Variants in SLC9A6 observed in about 807,000 individuals in gnomAD.
SLC9A6 encodes solute carrier family 9 member A6, also known as sodium/hydrogen exchanger 6.
Under a neutral mutation model 45.3 loss-of-function variants are expected in SLC9A6, and 6 were observed. The observed-to-expected ratio is 0.13, with a 90% CI of 0.07 to 0.26. The LOEUF (loss-of-function observed/expected upper bound fraction) is 0.26, where lower values mean the gene tolerates loss of function less well. Ranked by LOEUF, SLC9A6 falls within the 10% of genes least tolerant of loss-of-function variation. The pLI, the probability that SLC9A6 is intolerant of heterozygous loss-of-function variation, is 1.00. For synonymous variants in SLC9A6, 191 were observed against 187.7 expected (o/e 1.02, Z -0.14); for missense variants, 278 against 503.7 (o/e 0.55, Z 4.29).
chrX:136,044,752 T>A lies in SLC9A6; in HGVS notation c.*28T>A, dbSNP rs2071571581. On this transcript the variant is annotated 3_prime_UTR_variant, in exon 18 of 18. Coordinates refer to ENST00000630721, the MANE Select transcript of SLC9A6 (RefSeq NM_001379110.1). Reference sequence around the variant, plus strand: ...TTACTAATACTCACTTAGTGATTTGTAAAATTTGCACATGTGATTGTGAAG... The same window carrying A: ...TTACTAATACTCACTTAGTGATTTGAAAAATTTGCACATGTGATTGTGAAG... The A allele has an allele frequency of 1.7e-6, 2 of 1,195,636 alleles. No individual in the cohort carries two copies. The highest frequency in any genetic ancestry group is 3.5e-5 in the African/African-American group (2 of 56,980).
intron 15 of SLC9A6, among the ~76,000 whole-genome samples, chrX:136,032,052 C>CTTATTTATTTATTTATTTAT (rs782510667): frequency 4.5e-5 from 5 of 111,872 alleles, no homozygotes; most frequent in African/African-American, 1.6e-4. Context: ...TGCTTGCTTG[C>CTTATTTATTTATTTATTTAT]TTATTTATTT....
At chrX:135,994,712 T>C (rs1442726035) in intron 2 of SLC9A6, 74 bp from the exon 3 acceptor site, 3 of 958,896 alleles carry the variant, frequency 3.1e-6, no homozygotes, top group Admixed American at 4.4e-5. Flanking sequence ...TTTTCTCTTA[T>C]CCATAGTTAT....
At chrX:135,985,330 G>A, upstream of SLC9A6, 1 of 317,794 alleles carries the variant, frequency 3.1e-6, no homozygotes, top group Non-Finnish European at 5.3e-6. Flanking sequence ...GGACAGAGGG[G>A]CAAAGGAACC....
rs1556616988 is a variant in SLC9A6, at chrX:135,998,873, G to C, written c.542G>C (p.Cys181Ser). ...CFVIGSIMYG[C>S]VTLMKVTGQL... The stretch of plus-strand genomic sequence containing the variant: ...TTGAACAGGTCAATAATGTATGGCT[G>C]TGTAACGCTGATGAAGGTAACGGGA... The change falls in exon 6 of 18, where the codon TGT (cysteine) becomes TCT (serine). Residue 181 changes from cysteine to serine, a missense_variant. By Grantham distance (112) the Cys-to-Ser change is moderately radical. Coordinates refer to ENST00000630721, the MANE Select transcript of SLC9A6 (RefSeq NM_001379110.1). 8.3e-7 allele frequency: 1 copy of C among 1,201,286 alleles called. No homozygotes were observed. Among genetic ancestry groups the C allele is most frequent in the South Asian group, 1.8e-5 (1 of 56,780 alleles).
intron 11 of SLC9A6, among the ~76,000 whole-genome samples, chrX:136,020,482 GCTGAGATTACAGGCATGAT>G (rs1418536453): frequency 1.8e-5 from 2 of 111,451 alleles, no homozygotes; most frequent in African/African-American, 6.5e-5. Context: ...CTCCTGAGTA[GCTGAGATTACAGGCATGAT>G]CTGAGATTAC....
intron 13 of SLC9A6, among the ~76,000 whole-genome samples, chrX:136,025,192 G>A (rs2071205834): frequency 1.8e-5 from 2 of 112,155 alleles, no homozygotes; most frequent in Admixed American, 9.5e-5. Flanking sequence ...ATCCAAAGCC[G>A]AGATCGTGAG....
intron 10 of SLC9A6, among the ~76,000 whole-genome samples, chrX:136,014,767 GAACA>G (rs1235114043): frequency 4.4e-5 from 5 of 112,650 alleles, no homozygotes; most frequent in East Asian, 5.6e-4. Context: ...TCTGTCTCAA[GAACA>G]AACAAACAAA....
intron 2 of SLC9A6, among the ~76,000 whole-genome samples, chrX:135,989,856 G>C (rs192270178): frequency 2.1e-4 from 23 of 111,027 alleles, no homozygotes; most frequent in Admixed American, 3.8e-4. Context: ...TGTGTAGGAG[G>C]GTTAGGACCT....
In SLC9A6 at chrX:136,013,427, G is replaced by C. The variant is rs796053286; in HGVS notation, c.1070G>C (p.Arg357Thr). Reference sequence around the variant, plus strand: ...AATTTGTCCACGGAGTCTCAGCATAGAACTAAACAGGTAAGAGGAACTTTA... The same window carrying C: ...AATTTGTCCACGGAGTCTCAGCATACAACTAAACAGGTAAGAGGAACTTTA... ...YNNLSTESQH[R>T]TKQLFELLNF... The change falls in exon 10 of 18, where the codon AGA becomes ACA. Residue 357 changes from arginine (R) to threonine (T), a missense_variant. By Grantham distance (71) the Arg-to-Thr change is moderately conservative. This residue lies in a region of SLC9A6 where 41 missense variants were observed against 51.8 expected (regional missense o/e 0.79). Transcript: ENST00000630721. The C allele has an allele frequency of 2.6e-6, 3 of 1,176,030 alleles. No homozygotes were observed. The highest frequency in any genetic ancestry group is 3.5e-6 in the Non-Finnish European group (3 of 864,014).
At chrX:136,033,194 G>A (rs1177280227) in intron 15 of SLC9A6, 4 of 257,515 alleles carry the variant, frequency 1.6e-5, no homozygotes, top group East Asian at 2.0e-4. Context: ...GAGTAGATTC[G>A]TAAGTTAGCA....
intron 17 of SLC9A6, among the ~76,000 whole-genome samples, chrX:136,040,595 T>C (rs1246999968): frequency 8.9e-6 from 1 of 111,960 alleles, no homozygotes; most frequent in African/African-American, 3.3e-5. Flanking sequence ...GATGGTCTAT[T>C]ATTTCACACC....
chrX:135,974,708 A>C (rs1156818132), exon 1 of SLC9A6: 2 of 339,802 alleles, frequency 5.9e-6, no homozygotes, highest in African/African-American at 2.7e-5. Flanking sequence ...ACGAGGAGGC[A>C]GTGTCAGGAC....
At position 135,987,393 on chromosome X, in the gene SLC9A6, A is replaced by G. The variant is rs781785021; in HGVS notation, c.169+1566A>G. Among the ~76,000 whole-genome samples, 44 of 112,054 alleles carry G rather than the reference A, an allele frequency of 3.9e-4. No individual in the cohort carries two copies. In the South Asian group the frequency reaches 8.1e-3, roughly 21 times the overall value. ...AAGAGGTATAAGATCTTTGCCTTCA[A>G]GTCACTTATAGGCAGGTCATATAAA... On this transcript the variant is annotated intron_variant, in intron 2 of 17. Coordinates refer to ENST00000630721, the MANE Select transcript of SLC9A6 (RefSeq NM_001379110.1).
At chrX:136,031,608 G>A (rs1426073065) in intron 15 of SLC9A6, among the ~76,000 whole-genome samples, 2 of 111,907 alleles carry the variant, frequency 1.8e-5, no homozygotes, top group African/African-American at 6.5e-5. Flanking sequence ...ACTGAGGCAG[G>A]AGATCGTGCC....
At chrX:135,975,708 TG>T (rs2089257579) in intron 1 of SLC9A6, among the ~76,000 whole-genome samples, 1 of 112,341 alleles carries the variant, frequency 8.9e-6, no homozygotes, top group Non-Finnish European at 1.9e-5. Flanking sequence ...TCTTTTGAAT[TG>T]GGCTCAAAAA....
upstream of SLC9A6, chrX:135,974,067 G>A (rs1364420983): frequency 1.7e-4 from 32 of 192,371 alleles, no homozygotes; most frequent in Admixed American, 6.3e-4. Context: ...CGTAGAGAAC[G>A]TGTGGGGGCG....
rs979008022 is a variant in SLC9A6 at position 135,990,524 on chromosome X, G to A, written c.170-4262G>A. Among the ~76,000 whole-genome samples the A allele has an allele frequency of 2.3e-4, 26 of 111,480 alleles. No homozygotes were observed. The Admixed American group carries it at 2.5e-3, about 11-fold the overall frequency. ...TCAAATACCAATTTTTCAGATGCCT[G>A]GTGCCATAATAAAGGGATCTTGATT... On this transcript the variant is annotated intron_variant, in intron 2 of 17. Coordinates refer to ENST00000630721, the MANE Select transcript of SLC9A6 (RefSeq NM_001379110.1).
intron 1 of SLC9A6, among the ~76,000 whole-genome samples, chrX:135,979,284 C>T (rs2089276171): frequency 1.8e-5 from 2 of 111,490 alleles, no homozygotes; most frequent in Admixed American, 1.9e-4. Flanking sequence ...ATTTTCTATA[C>T]TGCTGCCTTA....
At position 136,044,671 on chromosome X, in the gene SLC9A6, G is replaced by A. The variant is rs2071568914; in HGVS notation, c.1987G>A (p.Asp663Asn). The A allele has an allele frequency of 8.3e-7, 1 of 1,208,610 alleles. No homozygotes were observed. Among genetic ancestry groups the A allele is most frequent in the Non-Finnish European group, 1.1e-6 (1 of 894,374 alleles). Residue 663 changes from aspartate (D) to asparagine (N), a missense_variant, in exon 18 of 18, where the codon GAT (aspartate) becomes AAT (asparagine). Transcript: ENST00000630721. The stretch of plus-strand genomic sequence containing the variant: ...AACACGCCTGGTTCTTCCAATGGAT[G>A]ATTCTGAACCCCCGCTAAATTTGTT... Reference protein sequence around the residue: ...RGTRLVLPMDDSEPPLNLLDN... With the variant: ...RGTRLVLPMDNSEPPLNLLDN...
Sources: allele counts gnomAD v4.1 joint callset (sites outside exome capture counted in the v4.1 genomes callset), GRCh38; gene constraint gnomAD v4.1.1; regional missense constraint gnomAD v4.1.1; transcripts MANE v1.5; gene names NCBI Gene and HGNC (gene_info 2026-07-23, HGNC 2026-07-21).